The following GOLGA8M variants were observed in gnomAD, a reference collection of about 807,000 sequenced individuals.
The protein encoded by GOLGA8M is golgin A8 family member M, also known as golgin subfamily A member 8M.
Under a neutral mutation model 87.7 loss-of-function variants are expected in GOLGA8M, and 34 were observed. The observed-to-expected ratio is 0.39, with a 90% confidence interval of 0.29 to 0.52. The LOEUF (loss-of-function observed/expected upper bound fraction) is 0.52, where lower values mean the gene tolerates loss of function less well. Among genes scored for constraint, GOLGA8M ranks in the 20% least tolerant of loss-of-function variants. The pLI is 0.80. For missense variants in GOLGA8M, 396 were observed against 682.2 expected, an observed-to-expected ratio of 0.58 and a Z score of 4.67; for synonymous variants, 138 against 250.2, an observed-to-expected ratio of 0.55 and a Z score of 4.23.
At position 28,702,197 on chromosome 15, in the gene GOLGA8M, C is replaced by T. The variant is rs540204554; in HGVS notation, c.1723+17G>A. On this transcript the variant is annotated intron_variant, in intron 18 of 18. Transcript: ENST00000563027. ...CCCTCTTCCTGCCTGCCCACACCAC[C>T]TGAGGGCTGTACTCACCACCATGCT... is the stretch of plus-strand genomic sequence containing the variant. 6.3e-7 allele frequency: 1 copy of T among 1,590,180 alleles called. No homozygotes were observed. The highest frequency in any genetic ancestry group is 1.1e-5 in the South Asian group (1 of 90,534).
Position 28,701,055 on chromosome 15 carries a change from G to A in GOLGA8M, c.*899C>T, listed in dbSNP as rs903139293. ...ATGAACTCTGACTTTAAAATGTATT[G>A]TAGATACAAATGCTCTAAGCTAGGA... is the stretch of plus-strand genomic sequence containing the variant. On this transcript the variant is annotated 3_prime_UTR_variant, in exon 19 of 19. Coordinates refer to ENST00000563027, the MANE Select transcript of GOLGA8M (RefSeq NM_001282468.3). Among the ~76,000 whole-genome samples, 2 of 152,114 alleles carry A rather than the reference G, an allele frequency of 1.3e-5. No individual in the cohort carries two copies. Among genetic ancestry groups the A allele is most frequent in the African/African-American group, 4.8e-5 (2 of 41,408 alleles).
chr15:28,702,119 C>A lies in GOLGA8M; in HGVS notation c.1734G>T (p.Glu578Asp). Residue 578 changes from glutamate (E) to aspartate (D), a missense_variant, in exon 19 of 19, where the codon GAG (glutamate) becomes GAT (aspartate). Transcript: ENST00000563027. ...GAADKHGDLC[E>D]VSLTSSAQGE... ...CTTGGGCAGAGGAGGTGAGGCTCAC[C>A]TCACAAAGATCTTTGGAGAGAGGGA... 1 of 1,580,922 alleles carries A rather than the reference C, an allele frequency of 6.3e-7. No individual in the cohort carries two copies. Among genetic ancestry groups the A allele is most frequent in the East Asian group, 2.3e-5 (1 of 44,286 alleles).
At chr15:28,708,675 G>A (rs541048049) in intron 4 of GOLGA8M, among the ~76,000 whole-genome samples, 19 of 151,512 alleles carry the variant, frequency 1.3e-4, no homozygotes, top group African/African-American at 3.9e-4. Flanking sequence ...TAGAGATGGA[G>A]TTTCAGAAAG....
chr15:28,707,883 C>T (rs752961243), intron 7 of GOLGA8M, 26 bp from the exon 8 acceptor site: 8 of 1,575,956 alleles, frequency 5.1e-6, no homozygotes, highest in East Asian at 2.8e-5. Context: ...TGAGATGGGG[C>T]CCAAAGGACT....
Position 28,705,210 on chromosome 15 carries a change from G to A in GOLGA8M, c.1149C>T (p.Ser383=), listed in dbSNP as rs767105337. The A allele has an allele frequency of 1.3e-6, 2 of 1,598,074 alleles. No individual in the cohort carries two copies. The highest frequency in any genetic ancestry group is 1.3e-5 in the African/African-American group (1 of 74,984). The change falls in exon 13 of 19, where the codon AGC becomes AGT. Residue 383 remains serine (S), a synonymous_variant. Transcript: ENST00000563027. ...TTACTTGCTGCTCCAACTGCAGTGT[G>A]CTCTTGTTCTCATTGTTCTGGACAG... ...VFEEPNNENK[S]TLQLEQQVKE... is the part of the protein sequence containing the mutation.
In GOLGA8M at chr15:28,707,811, A is replaced by G. The variant is rs746561145; in HGVS notation, c.528T>C (p.Arg176=). 2.5e-6 allele frequency: 4 copies of G among 1,584,950 alleles called. No homozygotes were observed. Among genetic ancestry groups the G allele is most frequent in the South Asian group, 1.1e-5 (1 of 90,098 alleles). Reference sequence around the variant, plus strand: ...AGAGAACACTCTCTAACTCTCCTTTACGCTGCAATGAATGTTGCAGGCGGA... The same window carrying G: ...AGAGAACACTCTCTAACTCTCCTTTGCGCTGCAATGAATGTTGCAGGCGGA... ...LAVRLQHSLQ[R]KGELESVLSD... Residue 176 remains arginine, a synonymous_variant, in exon 8 of 19, where the codon CGT becomes CGC. Coordinates refer to ENST00000563027, the MANE Select transcript of GOLGA8M (RefSeq NM_001282468.3).
At chr15:28,705,390 A>C in intron 12 of GOLGA8M, 93 bp downstream of exon 12, 2 of 1,306,538 alleles carry the variant, frequency 1.5e-6, no homozygotes, top group Non-Finnish European at 2.1e-6. Context: ...GTAACATTTC[A>C]TGTGAGGGCT....
rs1000808933 is a variant in GOLGA8M, at chr15:28,699,039, G to T, written c.*2915C>A. ...GTTTTAAATTATTTCAGAACATTAA[G>T]ATAGCAGTTACATATTTTAATAGTT... On this transcript the variant is annotated 3_prime_UTR_variant, in exon 19 of 19. Coordinates refer to ENST00000563027, the MANE Select transcript of GOLGA8M (RefSeq NM_001282468.3). Among the ~76,000 whole-genome samples, 1 of 149,084 alleles carries T rather than the reference G, an allele frequency of 6.7e-6. No individual in the cohort carries two copies. Among genetic ancestry groups the T allele is most frequent in the Non-Finnish European group, 1.5e-5 (1 of 67,880 alleles).
chr15:28,702,590 G>C (rs748484653), intron 16 of GOLGA8M, 28 bp from the exon 17 acceptor site: 1 of 1,609,570 alleles, frequency 6.2e-7, no homozygotes, highest in South Asian at 1.1e-5. Flanking sequence ...TCAGACGCTG[G>C]GGCCCCTCCG....
At chr15:28,710,298 C>G (rs1176199328) in intron 2 of GOLGA8M, among the ~76,000 whole-genome samples, 189 bp downstream of exon 2, 2 of 152,164 alleles carry the variant, frequency 1.3e-5, no homozygotes, top group African/African-American at 4.8e-5. Context: ...AGGATGGTCT[C>G]TATCTCCTGA....
Position 28,702,973 on chromosome 15 carries a change from C to T in GOLGA8M, c.1369-228G>A, listed in dbSNP as rs1207813832. 7.9e-5 allele frequency: 76 copies of T among 962,670 alleles called. 4 individuals carry two copies. The highest frequency in any genetic ancestry group is 8.4e-5 in the Non-Finnish European group (69 of 816,674). The allele number at this position is 962,670 out of a possible 1,614,324, so 59.6% of individuals were successfully genotyped here. A position where few individuals can be genotyped will look rare whatever the true frequency, so the allele number is the denominator to read the frequency against. On this transcript the variant is annotated intron_variant, in intron 15 of 18. Transcript: ENST00000563027. ...GGCCGAGGCCACCGGGTGAGCCAGGCGCTGGCAGCCACCCTCTGCTCTTTC... is the reference window on the plus strand; with the variant it reads ...GGCCGAGGCCACCGGGTGAGCCAGGTGCTGGCAGCCACCCTCTGCTCTTTC...
At chr15:28,710,279 G>A (rs1302779139) in intron 2 of GOLGA8M, among the ~76,000 whole-genome samples, 3 of 152,012 alleles carry the variant, frequency 2.0e-5, no homozygotes, top group Non-Finnish European at 4.4e-5. Flanking sequence ...GGGTTTCACC[G>A]TGTTAACCAG....
rs1474416543 is a variant in GOLGA8M at position 28,700,696 on chromosome 15, A to G, written c.*1258T>C. On this transcript the variant is annotated 3_prime_UTR_variant, in exon 19 of 19. Coordinates refer to ENST00000563027, the MANE Select transcript of GOLGA8M (RefSeq NM_001282468.3). ...TATATTAGTTTATAATAATGTTTCTATTATTTTTTAAAGTGTTTTCCATTC... is the reference window on the plus strand; with the variant it reads ...TATATTAGTTTATAATAATGTTTCTGTTATTTTTTAAAGTGTTTTCCATTC... Among the ~76,000 whole-genome samples the G allele has an allele frequency of 1.3e-5, 2 of 151,606 alleles. No homozygotes were observed. The highest frequency in any genetic ancestry group is 1.3e-4 in the Admixed American group (2 of 15,198).
At position 28,705,162 on chromosome 15, in the gene GOLGA8M, G is replaced by T; in HGVS notation, c.1197C>A (p.Gly399=). ...TGGAGGTTTCCGACTCCTTCACCTC[G>T]CCAAGCTTCTCCTGTAGCTCCTTTA... ...QQVKELQEKL[G]EEHLEAASQQ... Residue 399 remains glycine (G), a synonymous_variant, in exon 13 of 19, where the codon GGC becomes GGA. Transcript: ENST00000563027. 3 of 1,598,220 alleles carry T rather than the reference G, an allele frequency of 1.9e-6. No homozygotes were observed. The highest frequency in any genetic ancestry group is 2.5e-6 in the Non-Finnish European group (3 of 1,179,732).
chr15:28,712,707 A>G (rs1346438986), upstream of GOLGA8M, among the ~76,000 whole-genome samples: 1 of 152,178 alleles, frequency 6.6e-6, no homozygotes, highest in Non-Finnish European at 1.5e-5. Flanking sequence ...TATACTTTAT[A>G]TATATGTGTG....
At chr15:28,703,965 C>T (rs1401887956) in intron 13 of GOLGA8M, 48 bp from the exon 14 acceptor site, 2 of 1,588,414 alleles carry the variant, frequency 1.3e-6, no homozygotes, top group African/African-American at 1.3e-5. Context: ...GCCAGGTCGT[C>T]CCCCTCACAG....
At position 28,702,619 on chromosome 15, in the gene GOLGA8M, C is replaced by G. The variant is rs781387699; in HGVS notation, c.1469+26G>C. ...CCCTCCGACGGTCCTGCAGCTCCCCCTGCCGTGCCCTGGCCTCCCACTCAC... is the reference window on the plus strand; with the variant it reads ...CCCTCCGACGGTCCTGCAGCTCCCCGTGCCGTGCCCTGGCCTCCCACTCAC... On this transcript the variant is annotated intron_variant, in intron 16 of 18. Transcript: ENST00000563027. 19 of 1,610,316 alleles carry G rather than the reference C, an allele frequency of 1.2e-5. No homozygotes were observed. In the Middle Eastern group the frequency reaches 1.8e-3, roughly 156 times the overall value.
Position 28,705,263 on chromosome 15 carries a change from C to T in GOLGA8M, c.1132-36G>A, listed in dbSNP as rs1313828975. The T allele has an allele frequency of 3.2e-6, 5 of 1,581,330 alleles. No individual in the cohort carries two copies. The African/African-American group carries it at 5.4e-5, about 17-fold the overall frequency. On this transcript the variant is annotated intron_variant, in intron 12 of 18. Coordinates refer to ENST00000563027, the MANE Select transcript of GOLGA8M (RefSeq NM_001282468.3). ...AGAAGCAATCAGCAGCCACCCACTG[C>T]AGCTGGAGACCCCAGAACTTGGTGT... is the stretch of plus-strand genomic sequence containing the variant.
upstream of GOLGA8M, among the ~76,000 whole-genome samples, chr15:28,712,490 C>T (rs1309839128): frequency 6.6e-6 from 1 of 151,422 alleles, no homozygotes; most frequent in Non-Finnish European, 1.5e-5. Context: ...ATGCTCCAAG[C>T]CCATTGGTCA....
Sources: gnomAD v4.1 joint callset for allele counts (sites outside exome capture counted in the v4.1 genomes callset) on GRCh38, gnomAD v4.1.1 for gene constraint, MANE v1.5 for transcripts, NCBI Gene and HGNC (gene_info 2026-07-23, HGNC 2026-07-21) for gene names.